LCT: variants seen among roughly 807,000 people sequenced by gnomAD.
LCT encodes the protein lactase/phlorizin hydrolase.
A neutral mutation model predicts 173.0 loss-of-function variants in LCT; 90 were observed. The ratio of observed to expected loss-of-function variants is 0.52; its 90% CI spans 0.44 to 0.62. The LOEUF is 0.62. Ranked by LOEUF, LCT falls within the 20% of genes least tolerant of loss-of-function variation. The probability of loss-of-function intolerance (pLI) is 0.00; values close to 1 mark genes in which losing one functional copy is unlikely to be tolerated. For missense variants in LCT, 1,864 were observed against 2,431.4 expected (o/e 0.77, Z 4.91); for synonymous variants, 853 against 957.6 (o/e 0.89, Z 2.02).
chr2:135,828,396 C>T (rs2077904792), intron 3 of LCT, among the ~76,000 whole-genome samples: 1 of 152,166 alleles, frequency 6.6e-6, no homozygotes, highest in Non-Finnish European at 1.5e-5. Context: ...GGATTCAAAA[C>T]CACAGGTGAG....
intron 6 of LCT, among the ~76,000 whole-genome samples, chr2:135,815,994 C>T (rs1214852087): frequency 6.6e-6 from 1 of 152,152 alleles, no homozygotes; most frequent in Non-Finnish European, 1.5e-5. Flanking sequence ...AGCCACCATG[C>T]CCGGCCGGAA....
rs1341368016 is a variant in LCT at position 135,817,321 on chromosome 2, G to C, written c.1707+20C>G. 6.2e-7 allele frequency: 1 copy of C among 1,611,958 alleles called. No homozygotes were observed. The highest frequency in any genetic ancestry group is 8.5e-7 in the Non-Finnish European group (1 of 1,178,738). On this transcript the variant is annotated intron_variant, in intron 6 of 16. Transcript: ENST00000264162. ...GTCCTTTCTCCTCCAATTAGTAGGA[G>C]CTGCAGGGTTGGGAAGTACCTTAAA...
chr2:135,801,853 C>T (rs953883192), intron 11 of LCT, among the ~76,000 whole-genome samples: 4 of 151,920 alleles, frequency 2.6e-5, no homozygotes, highest in Non-Finnish European at 5.9e-5. Context: ...GGATTACAGG[C>T]GTGAGATACC....
chr2:135,813,282 A>G (rs1242027060), intron 6 of LCT, among the ~76,000 whole-genome samples: 1 of 152,234 alleles, frequency 6.6e-6, no homozygotes, highest in Non-Finnish European at 1.5e-5. Flanking sequence ...CAACAAGTCA[A>G]TAATATCAAC....
At chr2:135,794,499 G>T in intron 14 of LCT, 142 bp downstream of exon 14, 1 of 845,564 alleles carries the variant, frequency 1.2e-6, no homozygotes, top group East Asian at 2.6e-5. Flanking sequence ...GGGATCTGTG[G>T]GGTGGCGAGC....
At chr2:135,813,080 G>C in intron 6 of LCT, 124 bp from the exon 7 acceptor site, 1 of 862,940 alleles carries the variant, frequency 1.2e-6, no homozygotes, top group Non-Finnish European at 1.9e-6. Context: ...CAACAACATT[G>C]ACATTGTCAA....
At chr2:135,833,216 G>A (rs983513804) in intron 1 of LCT, 26 bp from the exon 2 acceptor site, 1 of 1,569,664 alleles carries the variant, frequency 6.4e-7, no homozygotes, top group East Asian at 2.2e-5. Context: ...GACACGAACA[G>A]CAGGTGAGCG....
At chr2:135,833,891 T>G (rs564681129) in intron 1 of LCT, among the ~76,000 whole-genome samples, 1 of 152,292 alleles carries the variant, frequency 6.6e-6, no homozygotes, top group South Asian at 2.1e-4. Context: ...CCCCAGCCCC[T>G]GGCCTCTGCC....
At chr2:135,808,100 G>T (rs2077692788) in intron 8 of LCT, among the ~76,000 whole-genome samples, 1 of 152,098 alleles carries the variant, frequency 6.6e-6, no homozygotes, top group Admixed American at 6.5e-5. Flanking sequence ...CATGGGATAA[G>T]CTCTACGAAG....
At chr2:135,793,627 C>T (rs1470898251) in intron 14 of LCT, among the ~76,000 whole-genome samples, 1 of 152,174 alleles carries the variant, frequency 6.6e-6, no homozygotes, top group Admixed American at 6.5e-5. Context: ...AAGAAGAAAT[C>T]TCTGAATTGC....
At chr2:135,832,665 A>G (rs570944867) in intron 2 of LCT, among the ~76,000 whole-genome samples, 2 of 151,780 alleles carry the variant, frequency 1.3e-5, no homozygotes, top group Non-Finnish European at 2.9e-5. Context: ...TTGTATTTTT[A>G]GCAAAGAAGG....
chr2:135,788,216 ATGGAG>A lies in LCT; in HGVS notation c.*103_*107del. 1.2e-6 allele frequency: 1 copy of A among 810,110 alleles called. No individual in the cohort carries two copies. Among genetic ancestry groups the A allele is most frequent in the Non-Finnish European group, 2.1e-6 (1 of 465,592 alleles). The allele number at this position is 810,110 out of a possible 1,614,324, so 50.2% of individuals were successfully genotyped here. ...ATCTCTAACGGTGCAGCAGGACTTT[ATGGAG>A]AAGTCCAGTATCAGCAGAGTCTAAG... On this transcript the variant is annotated 3_prime_UTR_variant, in exon 17 of 17. Transcript: ENST00000264162.
intron 9 of LCT, among the ~76,000 whole-genome samples, chr2:135,806,319 A>G: frequency 6.6e-6 from 1 of 152,366 alleles, no homozygotes; most frequent in East Asian, 1.9e-4. Context: ...AAAAGAGTAA[A>G]AAAGTTTAAA....
chr2:135,829,106 G>A (rs961311298), intron 3 of LCT, among the ~76,000 whole-genome samples: 18 of 151,958 alleles, frequency 1.2e-4, no homozygotes, highest in African/African-American at 3.6e-4. Flanking sequence ...CAGGAGAATC[G>A]CTTGAACCCG....
chr2:135,808,620 T>A lies in LCT; in HGVS notation c.3727A>T (p.Thr1243Ser). The A allele has an allele frequency of 6.2e-7, 1 of 1,614,198 alleles. No individual in the cohort carries two copies. The highest frequency in any genetic ancestry group is 1.1e-5 in the South Asian group (1 of 91,082). ...AEEEDPSWPS[T>S]AMNRAAPWGT... ...CAGGGCGCAGCTCTGTTCATTGCCG[T>A]GGAAGGCCACGAAGGGTCCTCCTCC... is the stretch of plus-strand genomic sequence containing the variant. Residue 1243 changes from threonine (T) to serine (S), a missense_variant, in exon 8 of 17, where the codon ACG becomes TCG. Coordinates refer to ENST00000264162, the MANE Select transcript of LCT (RefSeq NM_002299.4).
intron 16 of LCT, among the ~76,000 whole-genome samples, chr2:135,789,041 T>C (rs1055856526): frequency 2.0e-5 from 3 of 152,198 alleles, no homozygotes; most frequent in Admixed American, 1.3e-4. Flanking sequence ...AATTTTCCAT[T>C]TGTGTTGTCA....
At chr2:135,826,476 G>C in intron 3 of LCT, among the ~76,000 whole-genome samples, 1 of 151,852 alleles carries the variant, frequency 6.6e-6, no homozygotes, top group East Asian at 1.9e-4. Context: ...TGAGGCAGGA[G>C]AATCGCTTGA....
intron 11 of LCT, among the ~76,000 whole-genome samples, chr2:135,801,500 A>C (rs1465608394): frequency 6.6e-6 from 1 of 151,920 alleles, no homozygotes; most frequent in Non-Finnish European, 1.5e-5. Flanking sequence ...GGATCACCTG[A>C]GGTCAGGAGT....
rs781191509 is a variant in LCT at position 135,788,276 on chromosome 2, T to G, written c.*48A>C. On this transcript the variant is annotated 3_prime_UTR_variant, in exon 17 of 17. Coordinates refer to ENST00000264162, the MANE Select transcript of LCT (RefSeq NM_002299.4). ...TAAGGTGTTTGGTGGCCGGTAAACA[T>G]AGATGAAGAAACTAGGCCTGCTTCA... 1 of 1,387,976 alleles carries G rather than the reference T, an allele frequency of 7.2e-7. No homozygotes were observed. The allele number at this position is 1,387,976 out of a possible 1,614,324, so 86.0% of individuals were successfully genotyped here. A position where few individuals can be genotyped will look rare whatever the true frequency, so the allele number is the denominator to read the frequency against.
Sources: allele counts gnomAD v4.1 joint callset (sites outside exome capture counted in the v4.1 genomes callset), GRCh38; gene constraint gnomAD v4.1.1; transcripts MANE v1.5; gene names NCBI Gene and HGNC (gene_info 2026-07-23, HGNC 2026-07-21).